Variants in ARL6IP1 observed in about 807,000 individuals in gnomAD.
ARL6IP1 encodes ARL6 interacting reticulophagy regulator 1.
In ARL6IP1, 16 loss-of-function variants were observed where a neutral mutation model predicts 30.1. The ratio of observed to expected loss-of-function variants is 0.53; its 90% CI spans 0.36 to 0.81. ARL6IP1 has a LOEUF of 0.81. Among genes scored for constraint, ARL6IP1 ranks in the 30% least tolerant of loss-of-function variants. ARL6IP1 has a pLI of 0.01. For missense variants in ARL6IP1, 173 were observed against 242.7 expected (o/e 0.71, Z 1.91); for synonymous variants, 72 against 84.8 (o/e 0.85, Z 0.83).
chr16:18,798,868 A>G lies in ARL6IP1; in HGVS notation c.37-34T>C, dbSNP rs1275292133. ...CACCGACATTTAAAGTGATCATTTT[A>G]CCACTCTCAACATTTTTGTGGTTCA... is the stretch of plus-strand genomic sequence containing the variant. On this transcript the variant is annotated intron_variant, in intron 1 of 5. Transcript: ENST00000304414. 1.9e-6 allele frequency: 3 copies of G among 1,587,228 alleles called. No homozygotes were observed. In the African/African-American group the frequency reaches 4.0e-5, roughly 21 times the overall value.
intron 1 of ARL6IP1, chr16:18,801,080 T>A (rs889725132): frequency 3.7e-6 from 3 of 816,748 alleles, no homozygotes; most frequent in Non-Finnish European, 4.8e-6. Context: ...GAAAGCCGAA[T>A]ACGGCTGGGG....
intron 4 of ARL6IP1, 39 bp from the exon 5 acceptor site, chr16:18,794,722 G>A: frequency 7.2e-7 from 1 of 1,397,402 alleles, no homozygotes; most frequent in Non-Finnish European, 1.0e-6. Flanking sequence ...AAAACTTCAT[G>A]TGACACCATA....
chr16:18,793,101 T>G lies in ARL6IP1; in HGVS notation c.*151A>C, dbSNP rs2030111482. 1.7e-6 allele frequency: 1 copy of G among 577,862 alleles called. No homozygotes were observed. The highest frequency in any genetic ancestry group is 1.9e-5 in the African/African-American group (1 of 52,246). The allele number at this position is 577,862 out of a possible 1,614,324, so 35.8% of individuals were successfully genotyped here. On this transcript the variant is annotated 3_prime_UTR_variant, in exon 6 of 6. Transcript: ENST00000304414. Reference sequence around the variant, plus strand: ...CATGAAGACACTATGCACGAAGCCTTACTTGGCGAGTCTGAATTTCTATTA... The same window carrying G: ...CATGAAGACACTATGCACGAAGCCTGACTTGGCGAGTCTGAATTTCTATTA...
At chr16:18,801,410 G>A (rs551478065) in intron 1 of ARL6IP1, 21 bp downstream of exon 1, 6 of 1,612,510 alleles carry the variant, frequency 3.7e-6, no homozygotes, top group East Asian at 4.5e-5. Flanking sequence ...GGCTCCCGGG[G>A]GACAGGCAGC....
intron 5 of ARL6IP1, 72 bp downstream of exon 5, chr16:18,794,526 GC>G (rs1448190403): frequency 9.4e-7 from 1 of 1,065,170 alleles, no homozygotes; most frequent in African/African-American, 1.6e-5. Flanking sequence ...GAAGTATTCA[GC>G]TGTTTACTGA....
intron 4 of ARL6IP1, among the ~76,000 whole-genome samples, 165 bp from the exon 5 acceptor site, chr16:18,794,848 A>G (rs1236451123): frequency 6.6e-6 from 1 of 152,166 alleles, no homozygotes; most frequent in African/African-American, 2.4e-5. Context: ...AACCTATTCC[A>G]TTGGATCTAC....
chr16:18,794,769 T>A, intron 4 of ARL6IP1, 86 bp from the exon 5 acceptor site: 1 of 996,162 alleles, frequency 1.0e-6, no homozygotes, highest in Non-Finnish European at 1.5e-6. Flanking sequence ...TAAAGAAGAA[T>A]GTGTTTCAAA....
Position 18,801,282 on chromosome 16 carries a change from C to T in ARL6IP1, c.36+149G>A, listed in dbSNP as rs1053094147. On this transcript the variant is annotated intron_variant, in intron 1 of 5. Transcript: ENST00000304414. ...AAGGGTTCGACACCCAGGAGTCACC[C>T]AAGAAGCCCGAGGGCCAGGCATCGT... The T allele has an allele frequency of 1.7e-5, 25 of 1,479,286 alleles. 1 individual carries two copies. The South Asian group carries it at 1.9e-4, about 11-fold the overall frequency. 91.6% of individuals were successfully genotyped at this position (1,479,286 alleles called of 1,614,324 possible).
chr16:18,798,025 G>C lies in ARL6IP1; in HGVS notation c.190C>G (p.Pro64Ala). ...CAGGAAACGCCGGACAGAACAGATG[G>C]ATCTAGATAGTAGATAATCCTGTTA... ...LVFLIIYYLDPSVLSGVSCFV... is the reference protein window; with the variant it reads ...LVFLIIYYLDASVLSGVSCFV... The change falls in exon 3 of 6, where the codon CCA becomes GCA. Residue 64 changes from proline to alanine, a missense_variant. Physicochemically the swap from Pro to Ala is conservative, Grantham distance 27 (BLOSUM62 -1). Coordinates refer to ENST00000304414, the MANE Select transcript of ARL6IP1 (RefSeq NM_015161.3). 6.2e-7 allele frequency: 1 copy of C among 1,608,084 alleles called. No homozygotes were observed. The highest frequency in any genetic ancestry group is 8.5e-7 in the Non-Finnish European group (1 of 1,177,802).
At chr16:18,799,525 TAA>T (rs2141874052) in intron 1 of ARL6IP1, among the ~76,000 whole-genome samples, 1 of 152,344 alleles carries the variant, frequency 6.6e-6, no homozygotes, top group South Asian at 2.1e-4. Context: ...TAACTTTTTT[TAA>T]GTTTGTTTAT....
At chr16:18,793,430 A>AAT in intron 5 of ARL6IP1, 60 bp from the exon 6 acceptor site, 3 of 897,296 alleles carry the variant, frequency 3.3e-6, no homozygotes, top group Non-Finnish European at 4.9e-6. Flanking sequence ...AAAGGTTATT[A>AAT]CTTTTTTTTT....
chr16:18,797,763 A>C, intron 3 of ARL6IP1, 162 bp downstream of exon 3: 1 of 871,082 alleles, frequency 1.1e-6, no homozygotes, highest in Non-Finnish European at 1.7e-6. Context: ...CATAGTTTAT[A>C]TTCAAATCAG....
intron 2 of ARL6IP1, 68 bp from the exon 3 acceptor site, chr16:18,798,112 T>C: frequency 7.1e-7 from 1 of 1,411,008 alleles, no homozygotes; most frequent in Non-Finnish European, 9.6e-7. Context: ...CATGTCTAAC[T>C]TAACTATTCA....
At chr16:18,795,393 A>C in intron 4 of ARL6IP1, 71 bp downstream of exon 4, 1 of 1,063,954 alleles carries the variant, frequency 9.4e-7, no homozygotes, top group Non-Finnish European at 1.4e-6. Flanking sequence ...AATTATAGCT[A>C]TTAAGACAAA....
At chr16:18,797,526 A>C (rs902583042) in intron 3 of ARL6IP1, among the ~76,000 whole-genome samples, 3 of 152,158 alleles carry the variant, frequency 2.0e-5, no homozygotes, top group Admixed American at 1.3e-4. Context: ...GCCTTAACAC[A>C]AGATCAATCT....
Position 18,793,359 on chromosome 16 carries a change from G to A in ARL6IP1, c.505C>T (p.Leu169=), listed in dbSNP as rs776403014. 4.4e-6 allele frequency: 7 copies of A among 1,596,148 alleles called. No homozygotes were observed. In the Admixed American group the frequency reaches 1.0e-4, roughly 24 times the overall value. Residue 169 remains leucine (L), a synonymous_variant, in exon 6 of 6, where the codon CTA becomes TTA. Transcript: ENST00000304414. ...LLTYLIVTSL[L]LLPGLNQHGI... is the part of the protein sequence containing the mutation. The stretch of plus-strand genomic sequence containing the variant: ...TGTTGGTTTAGTCCAGGAAGCAATA[G>A]TAAGGAAGTCACTTAAAATAAAAAA...
chr16:18,796,616 T>C (rs1056385785), intron 3 of ARL6IP1, among the ~76,000 whole-genome samples: 1 of 152,230 alleles, frequency 6.6e-6, no homozygotes, highest in Non-Finnish European at 1.5e-5. Context: ...GGTCAGTGAT[T>C]TATTTCCTTT....
intron 1 of ARL6IP1, chr16:18,801,094 G>GTCC: frequency 9.9e-7 from 1 of 1,010,212 alleles, no homozygotes; most frequent in Non-Finnish European, 1.3e-6. Flanking sequence ...GCTGGGGCCT[G>GTCC]AGCCGCGAAA....
intron 1 of ARL6IP1, among the ~76,000 whole-genome samples, chr16:18,800,571 G>T (rs1290419724): frequency 6.6e-6 from 1 of 152,194 alleles, no homozygotes; most frequent in Non-Finnish European, 1.5e-5. Flanking sequence ...AAACTGCCCT[G>T]AAGTCACGTC....
Sources: gnomAD v4.1 joint callset for allele counts (sites outside exome capture counted in the v4.1 genomes callset) on GRCh38, gnomAD v4.1.1 for gene constraint, MANE v1.5 for transcripts, NCBI Gene and HGNC (gene_info 2026-07-23, HGNC 2026-07-21) for gene names.